DAB1: variants seen among roughly 807,000 people sequenced by gnomAD.
The protein encoded by DAB1 is disabled homolog 1.
In DAB1, 15 loss-of-function variants were observed where a neutral mutation model predicts 64.6. The observed-to-expected ratio is 0.23, with a 90% CI of 0.16 to 0.36. The LOEUF (loss-of-function observed/expected upper bound fraction) is 0.36. Among genes scored for constraint, DAB1 ranks in the 10% least tolerant of loss-of-function variants. The probability of loss-of-function intolerance (pLI) is 1.00; values close to 1 mark genes in which losing one functional copy is unlikely to be tolerated. For synonymous variants in DAB1, 235 were observed against 251.9 expected (o/e 0.93, Z 0.64); for missense variants, 596 against 706.7 (o/e 0.84, Z 1.78).
intron 4 of DAB1, among the ~76,000 whole-genome samples, chr1:58,274,680 A>C (rs1003720762): frequency 7.2e-5 from 11 of 152,140 alleles, no homozygotes; most frequent in African/African-American, 1.7e-4. Context: ...TAGGACCCTC[A>C]GAGCCAGGTG....
chr1:57,984,776 G>A (rs1646171147), intron 5 of DAB1, among the ~76,000 whole-genome samples: 1 of 152,122 alleles, frequency 6.6e-6, no homozygotes, highest in Non-Finnish European at 1.5e-5. Context: ...CTCCTCTTCT[G>A]TTTCTTTTCT....
Position 58,372,675 on chromosome 1 carries a change from C to G in DAB1, n.258-29272G>C, listed in dbSNP as rs1202302154. 2.0e-5 allele frequency among the ~76,000 whole-genome samples: 3 copies of G among 152,168 alleles called. No individual in the cohort carries two copies. The East Asian group carries it at 5.8e-4, about 29-fold the overall frequency. On this transcript the variant is annotated intron_variant and non_coding_transcript_variant, in intron 3 of 20. Transcript: ENST00000485760. The stretch of plus-strand genomic sequence containing the variant: ...TAATCCAAATTGTAATCCCCACATG[C>G]CGAGGGAGGAACCTGGTGTGGGGTG...
chr1:58,087,000 T>G (rs558388443), intron 5 of DAB1, among the ~76,000 whole-genome samples: 1 of 152,278 alleles, frequency 6.6e-6, no homozygotes, highest in Non-Finnish European at 1.5e-5. Context: ...GCATGAGCTG[T>G]GGAATCTGAC....
At chr1:57,786,120 T>C (rs1650325723) in intron 6 of DAB1, among the ~76,000 whole-genome samples, 1 of 152,200 alleles carries the variant, frequency 6.6e-6, no homozygotes, top group Admixed American at 6.6e-5. Flanking sequence ...TCACGGTTTT[T>C]AGCAACAAAG....
intron 1 of DAB1, among the ~76,000 whole-genome samples, chr1:57,301,286 A>C (rs1382663239): frequency 6.6e-6 from 1 of 152,308 alleles, no homozygotes; most frequent in South Asian, 2.1e-4. Flanking sequence ...CTCCCAGGGC[A>C]GAGTCTGACC....
chr1:58,339,643 T>G (rs1185915770), intron 4 of DAB1, among the ~76,000 whole-genome samples: 1 of 152,188 alleles, frequency 6.6e-6, no homozygotes, highest in Non-Finnish European at 1.5e-5. Context: ...ACGATATGAT[T>G]GCTCACCTTC....
At chr1:57,113,256 G>A (rs1220505048) in intron 4 of DAB1, among the ~76,000 whole-genome samples, 1 of 152,070 alleles carries the variant, frequency 6.6e-6, no homozygotes, top group East Asian at 1.9e-4. Context: ...GTTACTGATA[G>A]GCTACCCCAC....
At chr1:57,309,015 C>T (rs1222542614) in intron 1 of DAB1, among the ~76,000 whole-genome samples, 1 of 152,202 alleles carries the variant, frequency 6.6e-6, no homozygotes, top group Non-Finnish European at 1.5e-5. Flanking sequence ...CGGCCCAACA[C>T]AAATTCGTAA....
chr1:57,897,818 C>A (rs72918591), intron 5 of DAB1, among the ~76,000 whole-genome samples: 1,620 of 152,252 alleles, frequency 0.011, 22 homozygotes, highest in African/African-American at 0.036. Context: ...AAAGCTTAGA[C>A]CCAGCTGGGG....
chr1:57,776,271 T>A (rs111689298), intron 6 of DAB1, among the ~76,000 whole-genome samples: 8 of 139,276 alleles, frequency 5.7e-5, no homozygotes, highest in African/African-American at 1.9e-4. Context: ...CCCATAAATA[T>A]AGTGCAAATA....
chr1:57,962,498 T>G (rs542186237), intron 5 of DAB1, among the ~76,000 whole-genome samples: 1 of 152,210 alleles, frequency 6.6e-6, no homozygotes, highest in African/African-American at 2.4e-5. Flanking sequence ...ATGATTTGAT[T>G]CAACAGCCAC....
intron 6 of DAB1, among the ~76,000 whole-genome samples, chr1:57,654,201 C>T (rs1374320301): frequency 1.3e-5 from 2 of 151,772 alleles, no homozygotes; most frequent in Admixed American, 6.6e-5. Flanking sequence ...GGAGACAACA[C>T]ACACCAAAAA....
At chr1:58,407,629 A>G (rs1644628630) in intron 3 of DAB1, among the ~76,000 whole-genome samples, 1 of 152,074 alleles carries the variant, frequency 6.6e-6, no homozygotes, top group South Asian at 2.1e-4. Flanking sequence ...CCAGCCCCAC[A>G]TGTCAATAGT....
intron 7 of DAB1, among the ~76,000 whole-genome samples, chr1:57,583,235 T>C (rs1392179413): frequency 6.6e-6 from 1 of 152,044 alleles, no homozygotes; most frequent in Non-Finnish European, 1.5e-5. Context: ...AAACTTACTT[T>C]GGGACTCTAG....
intron 4 of DAB1, among the ~76,000 whole-genome samples, chr1:58,288,433 T>C (rs1221707921): frequency 6.6e-6 from 1 of 152,206 alleles, no homozygotes; most frequent in Non-Finnish European, 1.5e-5. Flanking sequence ...CTCAGCCTTC[T>C]GAAATTCTAT....
At chr1:58,482,604 G>C (rs1336670704) in intron 3 of DAB1, among the ~76,000 whole-genome samples, 3 of 152,172 alleles carry the variant, frequency 2.0e-5, no homozygotes, top group South Asian at 4.1e-4. Context: ...GGCAGTAAAG[G>C]AGACAGTGTT....
intron 4 of DAB1, among the ~76,000 whole-genome samples, chr1:58,291,445 G>A (rs1661833755): frequency 6.6e-6 from 1 of 152,160 alleles, no homozygotes; most frequent in Non-Finnish European, 1.5e-5. Context: ...ATACTAAAGT[G>A]TAAGTGGCTG....
intron 2 of DAB1, among the ~76,000 whole-genome samples, chr1:58,508,819 A>G (rs1313460298): frequency 6.6e-6 from 1 of 152,156 alleles, no homozygotes; most frequent in Non-Finnish European, 1.5e-5. Context: ...GAGAAACTCC[A>G]GAGCCCAGCT....
At chr1:57,765,039 T>C (rs1400599952) in intron 6 of DAB1, among the ~76,000 whole-genome samples, 2 of 152,202 alleles carry the variant, frequency 1.3e-5, no homozygotes, top group Non-Finnish European at 2.9e-5. Flanking sequence ...AACAAATTAG[T>C]AACAGAGCAG....
Sources: allele counts gnomAD v4.1 joint callset (sites outside exome capture counted in the v4.1 genomes callset), GRCh38; gene constraint gnomAD v4.1.1; transcripts MANE v1.5; gene names NCBI Gene and HGNC (gene_info 2026-07-23, HGNC 2026-07-21).